CBLB: variants seen among roughly 807,000 people sequenced by gnomAD.
The protein encoded by CBLB is E3 ubiquitin-protein ligase CBL-B.
Under a neutral mutation model 104.9 loss-of-function variants are expected in CBLB, and 31 were observed. The observed-to-expected ratio is 0.30, with a 90% CI of 0.22 to 0.40. The LOEUF is 0.40. Among genes scored for constraint, CBLB ranks in the 10% least tolerant of loss-of-function variants. CBLB has a pLI of 1.00. For synonymous variants in CBLB, 440 were observed against 422.6 expected (o/e 1.04, Z -0.51); for missense variants, 1,062 against 1,214.6 (o/e 0.87, Z 1.87).
intron 3 of CBLB, among the ~76,000 whole-genome samples, chr3:105,812,325 C>A (rs7645021): frequency 0.66 from 100,421 of 151,956 alleles, 34,385 homozygotes; most frequent in Middle Eastern, 0.79. Context: ...TCACCTAGGG[C>A]ACAAGAATGA....
At chr3:105,726,295 T>C (rs1476835290) in intron 9 of CBLB, among the ~76,000 whole-genome samples, 1 of 152,060 alleles carries the variant, frequency 6.6e-6, no homozygotes, top group Non-Finnish European at 1.5e-5. Context: ...AAAATCAGAG[T>C]TTATTGATTT....
At chr3:105,837,347 T>C (rs2088702984) in intron 3 of CBLB, among the ~76,000 whole-genome samples, 1 of 152,200 alleles carries the variant, frequency 6.6e-6, no homozygotes, top group Admixed American at 6.5e-5. Flanking sequence ...TTTGGAGGAT[T>C]CCCCAGTTGC....
chr3:105,739,617 AAACTT>A (rs573016349), intron 7 of CBLB, among the ~76,000 whole-genome samples: 188 of 152,340 alleles, frequency 1.2e-3, no homozygotes, highest in African/African-American at 4.3e-3. Context: ...AAACAAAGGG[AAACTT>A]AACTTATTTT....
chr3:105,741,095 G>GTT (rs66493673), intron 6 of CBLB, among the ~76,000 whole-genome samples: 2,511 of 108,084 alleles, frequency 0.023, 259 homozygotes, highest in African/African-American at 0.04. Flanking sequence ...AAAAATTAGG[G>GTT]TTTTTTTTTT....
intron 14 of CBLB, among the ~76,000 whole-genome samples, chr3:105,683,263 G>A (rs1039838862): frequency 3.9e-5 from 6 of 152,084 alleles, no homozygotes; most frequent in African/African-American, 1.4e-4. Flanking sequence ...TCCAAAGGGG[G>A]AAAAATACAC....
At chr3:105,668,290 G>A (rs1316759021) in intron 18 of CBLB, among the ~76,000 whole-genome samples, 1 of 152,098 alleles carries the variant, frequency 6.6e-6, no homozygotes, top group Non-Finnish European at 1.5e-5. Flanking sequence ...TGCTAATAGG[G>A]ATTCATACTG....
At chr3:105,837,008 C>T (rs2088629845) in intron 3 of CBLB, among the ~76,000 whole-genome samples, 1 of 150,748 alleles carries the variant, frequency 6.6e-6, no homozygotes, top group African/African-American at 2.4e-5. Context: ...ATATTAGATC[C>T]AACCCTCCGA....
intron 12 of CBLB, among the ~76,000 whole-genome samples, chr3:105,696,143 T>A (rs2301045): frequency 0.58 from 88,329 of 151,352 alleles, 26,438 homozygotes; most frequent in Middle Eastern, 0.69. Context: ...CTATAAACTG[T>A]TCATAAATAT....
chr3:105,670,325 T>C lies in CBLB; in HGVS notation c.2597A>G (p.Gln866Arg). Reference sequence around the variant, plus strand: ...CCTTCTAGCAGGAGGCAAAGGAACTTGGCCACTTGCTAGATCAACAAAGGG... The same window carrying C: ...CCTTCTAGCAGGAGGCAAAGGAACTCGGCCACTTGCTAGATCAACAAAGGG... ...SDPFVDLASG[Q>R]VPLPPARRLP... Residue 866 changes from glutamine to arginine, a missense_variant, in exon 18 of 19, where the codon CAA (glutamine) becomes CGA (arginine). Physicochemically the swap from Gln to Arg is conservative, Grantham distance 43. Around this residue, in one of 2 missense-constraint regions of CBLB, gnomAD observed 605 missense variants for 582.6 expected, o/e 1.04. Coordinates refer to ENST00000394030, the MANE Select transcript of CBLB (RefSeq NM_170662.5). 1 of 1,611,414 alleles carries C rather than the reference T, an allele frequency of 6.2e-7. No individual in the cohort carries two copies. Among genetic ancestry groups the C allele is most frequent in the Non-Finnish European group, 8.5e-7 (1 of 1,177,808 alleles).
At chr3:105,867,022 A>C (rs1181051660) in intron 2 of CBLB, among the ~76,000 whole-genome samples, 1 of 152,198 alleles carries the variant, frequency 6.6e-6, no homozygotes, top group Non-Finnish European at 1.5e-5. Flanking sequence ...ATACCAGATG[A>C]TTGTCATGAG....
At chr3:105,687,636 A>C (rs1037977221) in intron 13 of CBLB, among the ~76,000 whole-genome samples, 1 of 152,056 alleles carries the variant, frequency 6.6e-6, no homozygotes, top group Non-Finnish European at 1.5e-5. Flanking sequence ...TCCATTTATC[A>C]CCATTTTAAT....
At chr3:105,836,686 T>C (rs1481942056) in intron 3 of CBLB, among the ~76,000 whole-genome samples, 2 of 152,190 alleles carry the variant, frequency 1.3e-5, no homozygotes, top group East Asian at 3.8e-4. Context: ...CTGAGATTAC[T>C]GACATCCCAC....
intron 13 of CBLB, among the ~76,000 whole-genome samples, chr3:105,688,347 C>G (rs999503234): frequency 3.3e-5 from 5 of 151,988 alleles, no homozygotes; most frequent in African/African-American, 4.8e-5. Flanking sequence ...CACCACCCCC[C>G]CCACAACCTG....
chr3:105,853,185 T>C (rs186080834), intron 3 of CBLB, among the ~76,000 whole-genome samples: 1 of 152,296 alleles, frequency 6.6e-6, no homozygotes, highest in Non-Finnish European at 1.5e-5. Context: ...GTGCGGTAGG[T>C]AATACCATCT....
rs757845783 is a variant in CBLB, at chr3:105,841,661, G to A, written c.419+11753C>T. On this transcript the variant is annotated intron_variant, in intron 3 of 18. Transcript: ENST00000394030. Reference sequence around the variant, plus strand: ...TTACAGACAGGGTTTCACCATGTTAGCCAGGATGGTCTCGATCTCCTGACC... The same window carrying A: ...TTACAGACAGGGTTTCACCATGTTAACCAGGATGGTCTCGATCTCCTGACC... Among the ~76,000 whole-genome samples, 93 of 151,774 alleles carry A rather than the reference G, an allele frequency of 6.1e-4. 1 individual carries two copies. Among genetic ancestry groups the A allele is most frequent in the Non-Finnish European group, 1.5e-5 (1 of 67,964 alleles).
At chr3:105,854,763 G>A (rs2091394122) in intron 2 of CBLB, among the ~76,000 whole-genome samples, 1 of 152,058 alleles carries the variant, frequency 6.6e-6, no homozygotes, top group South Asian at 2.1e-4. Flanking sequence ...CTCCCAAGTA[G>A]CTGGGATTAC....
intron 9 of CBLB, among the ~76,000 whole-genome samples, chr3:105,725,370 G>A (rs887138761): frequency 2.6e-4 from 39 of 152,070 alleles, no homozygotes; most frequent in African/African-American, 8.2e-4. Flanking sequence ...TTTTAAAAAT[G>A]GTGTCAACTT....
chr3:105,823,010 G>A (rs1388467153), intron 3 of CBLB, among the ~76,000 whole-genome samples: 1 of 152,142 alleles, frequency 6.6e-6, no homozygotes, highest in African/African-American at 2.4e-5. Context: ...CTTGTTTATA[G>A]AATCCGTTCA....
At chr3:105,763,327 A>C (rs571869255) in intron 4 of CBLB, among the ~76,000 whole-genome samples, 1 of 152,328 alleles carries the variant, frequency 6.6e-6, no homozygotes, top group South Asian at 2.1e-4. Flanking sequence ...ATGTGAGGAC[A>C]TGAGATATGG....
Sources: allele counts gnomAD v4.1 joint callset (sites outside exome capture counted in the v4.1 genomes callset), GRCh38; gene constraint gnomAD v4.1.1; regional missense constraint gnomAD v4.1.1; transcripts MANE v1.5; gene names NCBI Gene and HGNC (gene_info 2026-07-23, HGNC 2026-07-21).